The following SLCO2B1 variants were observed in gnomAD, a reference collection of about 807,000 sequenced individuals.
SLCO2B1 encodes the protein solute carrier organic anion transporter family member 2B1, also known as OATP-RP2.
A neutral mutation model predicts 67.3 loss-of-function variants in SLCO2B1; 41 were observed. The observed-to-expected ratio is 0.61, with a 90% CI of 0.47 to 0.79. The LOEUF is 0.79. Among genes scored for constraint, SLCO2B1 ranks in the 30% least tolerant of loss-of-function variants. The pLI is 0.00. For missense variants in SLCO2B1, 837 were observed against 920.1 expected, an observed-to-expected ratio of 0.91 and a Z score of 1.17; for synonymous variants, 379 against 381.4, an observed-to-expected ratio of 0.99 and a Z score of 0.07.
intron 1 of SLCO2B1, among the ~76,000 whole-genome samples, chr11:75,153,470 G>C (rs1949713998): frequency 6.6e-6 from 1 of 152,180 alleles, no homozygotes; most frequent in South Asian, 2.1e-4. Flanking sequence ...GCTCAGAGGG[G>C]GCAAGCAAGG....
chr11:75,172,242 G>T (rs74824330), intron 6 of SLCO2B1, 137 bp from the exon 7 acceptor site: 9 of 722,154 alleles, frequency 1.2e-5, no homozygotes, highest in Admixed American at 1.2e-4. Context: ...GACACACCTG[G>T]CAGAGCAGAC....
chr11:75,151,429 G>A (rs760392999), intron 1 of SLCO2B1, 32 bp downstream of exon 1: 1 of 1,612,974 alleles, frequency 6.2e-7, no homozygotes, highest in East Asian at 2.2e-5. Context: ...AAGGGCCATG[G>A]AGAGCAAGCC....
intron 7 of SLCO2B1, among the ~76,000 whole-genome samples, chr11:75,175,575 C>T (rs1333876414): frequency 6.6e-6 from 1 of 152,058 alleles, no homozygotes; most frequent in South Asian, 2.1e-4. Flanking sequence ...GTTTGTAATA[C>T]AAGAATTATG....
intron 8 of SLCO2B1, among the ~76,000 whole-genome samples, chr11:75,191,593 T>C (rs1027216653): frequency 2.0e-5 from 3 of 152,146 alleles, no homozygotes; most frequent in African/African-American, 7.2e-5. Context: ...ACCAGCTGGC[T>C]TGGCCCTGCT....
At chr11:75,183,799 C>T (rs1252054722) in intron 7 of SLCO2B1, among the ~76,000 whole-genome samples, 1 of 152,212 alleles carries the variant, frequency 6.6e-6, no homozygotes, top group Non-Finnish European at 1.5e-5. Flanking sequence ...GCTGGAATTA[C>T]AGGTGAGAGC....
intron 7 of SLCO2B1, among the ~76,000 whole-genome samples, chr11:75,175,135 G>A (rs181507730): frequency 5.3e-5 from 8 of 152,190 alleles, no homozygotes; most frequent in Non-Finnish European, 1.0e-4. Context: ...GATGGGGAGT[G>A]GGGAGGGAAG....
At chr11:75,151,797 G>A in intron 1 of SLCO2B1, 1 of 216,304 alleles carries the variant, frequency 4.6e-6, no homozygotes, top group Non-Finnish European at 9.2e-6. Flanking sequence ...AAACGAAGAG[G>A]CACACAGGAG....
intron 1 of SLCO2B1, 136 bp downstream of exon 1, chr11:75,151,533 G>T (rs1257026150): frequency 1.1e-5 from 9 of 855,624 alleles, no homozygotes; most frequent in African/African-American, 1.7e-5. Flanking sequence ...CAGGCACATG[G>T]CCGGAGTTCA....
chr11:75,196,754 C>T, intron 10 of SLCO2B1, 75 bp downstream of exon 10: 2 of 1,359,916 alleles, frequency 1.5e-6, no homozygotes, highest in East Asian at 4.8e-5. Flanking sequence ...CTGTCATACT[C>T]TCCACTTCTG....
chr11:75,173,621 G>A (rs1228241817), intron 7 of SLCO2B1, among the ~76,000 whole-genome samples: 1 of 152,154 alleles, frequency 6.6e-6, no homozygotes, highest in Non-Finnish European at 1.5e-5. Flanking sequence ...GCCCAGCCCA[G>A]TGGAGGGATT....
chr11:75,195,542 C>T (rs1170696778), intron 9 of SLCO2B1, among the ~76,000 whole-genome samples: 16 of 152,050 alleles, frequency 1.1e-4, no homozygotes, highest in Non-Finnish European at 1.3e-4. Flanking sequence ...CTTCCCCACT[C>T]CACACCCTGG....
chr11:75,169,460 G>C, intron 5 of SLCO2B1, 54 bp downstream of exon 5: 2 of 1,464,772 alleles, frequency 1.4e-6, no homozygotes, highest in Non-Finnish European at 1.8e-6. Flanking sequence ...GCTCAACTAG[G>C]AGGAAGAGAG....
At chr11:75,156,603 C>T (rs573348067) in intron 1 of SLCO2B1, among the ~76,000 whole-genome samples, 2 of 152,036 alleles carry the variant, frequency 1.3e-5, no homozygotes, top group East Asian at 1.9e-4. Context: ...GGGTCTGGAT[C>T]CAGACCCCAA....
rs898874011 is a variant in SLCO2B1 at position 75,151,203 on chromosome 11, C to T, written c.-179C>T. The T allele has an allele frequency of 3.3e-6, 2 of 608,734 alleles. No individual in the cohort carries two copies. The highest frequency in any genetic ancestry group is 3.7e-5 in the African/African-American group (2 of 54,200). The allele number at this position is 608,734 out of a possible 1,614,324, so 37.7% of individuals were successfully genotyped here. On this transcript the variant is annotated 5_prime_UTR_variant, in exon 1 of 14. Transcript: ENST00000289575. ...ACCTGTGTCTGGACAAGTCTGATGTCCTGTGTGGCCCAAGAAGAACTGACC... is the reference window on the plus strand; with the variant it reads ...ACCTGTGTCTGGACAAGTCTGATGTTCTGTGTGGCCCAAGAAGAACTGACC...
chr11:75,193,190 G>T lies in SLCO2B1; in HGVS notation c.1076-28G>T. ...GCTGGACAGCTTGGCTGCCCTGCCTGCCCTGACCTCTGCACTCGCCCCCAC... is the reference window on the plus strand; with the variant it reads ...GCTGGACAGCTTGGCTGCCCTGCCTTCCCTGACCTCTGCACTCGCCCCCAC... On this transcript the variant is annotated intron_variant, in intron 8 of 13. Transcript: ENST00000289575. The surrounding 1 kb of genome is among the most constrained non-coding windows in gnomAD (Gnocchi z 4.2). 6.4e-7 allele frequency: 1 copy of T among 1,564,928 alleles called. No homozygotes were observed.
At chr11:75,183,126 C>T (rs1336364416) in intron 7 of SLCO2B1, among the ~76,000 whole-genome samples, 1 of 151,912 alleles carries the variant, frequency 6.6e-6, no homozygotes, top group Non-Finnish European at 1.5e-5. Context: ...TTTTTTTTGT[C>T]CACATGCAAA....
At chr11:75,156,732 G>A (rs745551223) in intron 1 of SLCO2B1, among the ~76,000 whole-genome samples, 5 of 152,248 alleles carry the variant, frequency 3.3e-5, no homozygotes, top group Non-Finnish European at 2.9e-5. Context: ...GAGCAGCCCC[G>A]AGGGCTGCTT....
At chr11:75,197,429 T>A (rs1162343923) in intron 10 of SLCO2B1, among the ~76,000 whole-genome samples, 1 of 152,228 alleles carries the variant, frequency 6.6e-6, no homozygotes, top group East Asian at 1.9e-4. Context: ...GGAAATGCGC[T>A]CAGCAGAGAT....
chr11:75,175,476 G>A (rs76235356), intron 7 of SLCO2B1, among the ~76,000 whole-genome samples: 1 of 152,068 alleles, frequency 6.6e-6, no homozygotes, highest in South Asian at 2.1e-4. Context: ...ATCTCACCAG[G>A]CGTCCCCTCC....
Sources: gnomAD v4.1 joint callset for allele counts (sites outside exome capture counted in the v4.1 genomes callset) on GRCh38, gnomAD v4.1.1 for gene constraint, Gnocchi (gnomAD v3.1) non-coding constraint, MANE v1.5 for transcripts, NCBI Gene and HGNC (gene_info 2026-07-23, HGNC 2026-07-21) for gene names.